DOCK10: variants seen among roughly 807,000 people sequenced by gnomAD.
DOCK10 encodes the protein dedicator of cytokinesis 10.
A neutral mutation model predicts 280.1 loss-of-function variants in DOCK10; 145 were observed. That is an observed-to-expected ratio of 0.52 (90% CI 0.45 to 0.59). The LOEUF (loss-of-function observed/expected upper bound fraction) is 0.59. Among genes scored for constraint, DOCK10 ranks in the 20% least tolerant of loss-of-function variants. DOCK10 has a pLI of 0.00. For synonymous variants in DOCK10, 915 were observed against 942.2 expected, an observed-to-expected ratio of 0.97 and a Z score of 0.53; for missense variants, 2,368 against 2,651.7, an observed-to-expected ratio of 0.89 and a Z score of 2.35.
chr2:224,796,782 C>T (rs1692609221), intron 43 of DOCK10, among the ~76,000 whole-genome samples, 182 bp downstream of exon 43: 1 of 152,146 alleles, frequency 6.6e-6, no homozygotes, highest in Non-Finnish European at 1.5e-5. Flanking sequence ...AGATAGGGCT[C>T]TGCTGATTTC....
Position 224,932,190 on chromosome 2 carries a change from T to C in DOCK10, c.124-522A>G, listed in dbSNP as rs1232219592. 5.9e-5 allele frequency among the ~76,000 whole-genome samples: 9 copies of C among 152,338 alleles called. No individual in the cohort carries two copies. In the South Asian group the frequency reaches 6.2e-4, roughly 11 times the overall value. On this transcript the variant is annotated intron_variant, in intron 1 of 55. Coordinates refer to ENST00000258390, the MANE Select transcript of DOCK10 (RefSeq NM_014689.3). ...GATTAATTGCTTGGCTCTGAGCCTCTTTGTCTCTACAGAGACAAGCTAGGT... is the reference window on the plus strand; with the variant it reads ...GATTAATTGCTTGGCTCTGAGCCTCCTTGTCTCTACAGAGACAAGCTAGGT...
intron 1 of DOCK10, among the ~76,000 whole-genome samples, chr2:224,943,612 A>G (rs1188040961): frequency 6.6e-6 from 1 of 152,188 alleles, no homozygotes; most frequent in Non-Finnish European, 1.5e-5. Flanking sequence ...AAAATTTAAA[A>G]GAAGTTATTG....
intron 3 of DOCK10, 123 bp from the exon 4 acceptor site, chr2:224,896,500 G>C: frequency 1.8e-6 from 1 of 555,918 alleles, no homozygotes; most frequent in Middle Eastern, 4.7e-4. Context: ...CCTGAGATCA[G>C]GAGTTCGAGG....
rs201619994 is a variant in DOCK10 at position 224,856,980 on chromosome 2, G to A, written c.1688C>T (p.Ser563Leu). 12 of 1,600,110 alleles carry A rather than the reference G, an allele frequency of 7.5e-6. No individual in the cohort carries two copies. In the Admixed American group the frequency reaches 1.2e-4, roughly 16 times the overall value. ...YRMPFAWAVRSVFKDNQGNVD... is the reference protein window; with the variant it reads ...YRMPFAWAVRLVFKDNQGNVD... ...ATTTCCCTGGTTGTCCTTAAATACTGATCTAAAAGAAAATATTTATTCAGG... is the reference window on the plus strand; with the variant it reads ...ATTTCCCTGGTTGTCCTTAAATACTAATCTAAAAGAAAATATTTATTCAGG... Residue 563 changes from serine (S) to leucine (L), a missense_variant and splice_region_variant, in exon 15 of 56, where the codon TCA becomes TTA. Around this residue, in one of 2 missense-constraint regions of DOCK10, gnomAD observed 1,209 missense variants for 1,250.9 expected, o/e 0.97. Transcript: ENST00000258390.
intron 48 of DOCK10, among the ~76,000 whole-genome samples, chr2:224,788,847 C>T (rs1162651106): frequency 1.3e-5 from 2 of 152,196 alleles, no homozygotes; most frequent in African/African-American, 4.8e-5. Context: ...TGATAATATA[C>T]ATTTGAGTCC....
At position 224,856,927 on chromosome 2, in the gene DOCK10, A is replaced by G. The variant is rs1559576509; in HGVS notation, c.1741T>C (p.Leu581=). 1.2e-6 allele frequency: 2 copies of G among 1,612,564 alleles called. No homozygotes were observed. Among genetic ancestry groups the G allele is most frequent in the South Asian group, 1.1e-5 (1 of 90,952 alleles). ...NVDRDSRFSP[L]FRQESSKIST... ...ATCTTGCTACTTTCTTGTCTAAACA[A>G]TGGTGAAAATCTTGAGTCTCTGTCC... The change falls in exon 15 of 56, where the codon TTG becomes CTG. Residue 581 remains leucine, a synonymous_variant. Coordinates refer to ENST00000258390, the MANE Select transcript of DOCK10 (RefSeq NM_014689.3).
intron 6 of DOCK10, 90 bp from the exon 7 acceptor site, chr2:224,885,895 G>A: frequency 2.6e-6 from 4 of 1,520,360 alleles, no homozygotes; most frequent in Admixed American, 2.0e-5. Flanking sequence ...CTTCAGGAGT[G>A]CTATATTTCT....
intron 2 of DOCK10, among the ~76,000 whole-genome samples, chr2:224,918,148 C>T (rs972353050): frequency 6.6e-6 from 1 of 152,194 alleles, no homozygotes; most frequent in Non-Finnish European, 1.5e-5. Context: ...ATCCTGGACT[C>T]TTATTTTCTC....
intron 1 of DOCK10, among the ~76,000 whole-genome samples, chr2:224,981,882 T>C (rs1237160649): frequency 6.6e-6 from 1 of 152,202 alleles, no homozygotes; most frequent in Non-Finnish European, 1.5e-5. Flanking sequence ...AGTTATAAAA[T>C]AAAATCCACT....
intron 1 of DOCK10, among the ~76,000 whole-genome samples, chr2:224,960,077 C>G (rs1437186527): frequency 6.6e-6 from 1 of 152,176 alleles, no homozygotes; most frequent in East Asian, 1.9e-4. Flanking sequence ...ATTGTTCCTT[C>G]TCTGAACTTG....
chr2:225,028,614 T>A (rs1689986663), intron 1 of DOCK10, among the ~76,000 whole-genome samples: 1 of 152,194 alleles, frequency 6.6e-6, no homozygotes, highest in African/African-American at 2.4e-5. Flanking sequence ...ATCCTTTGTA[T>A]CTCTGCAAAG....
intron 1 of DOCK10, among the ~76,000 whole-genome samples, chr2:224,966,609 C>A (rs568166988): frequency 5.3e-5 from 8 of 152,042 alleles, no homozygotes; most frequent in Admixed American, 5.2e-4. Flanking sequence ...TGTCAATATG[C>A]GAATCATAAA....
chr2:224,897,495 C>A (rs577890881), intron 3 of DOCK10, among the ~76,000 whole-genome samples: 138 of 151,962 alleles, frequency 9.1e-4, no homozygotes, highest in Non-Finnish European at 1.7e-3. Flanking sequence ...AAATAGTAGG[C>A]CTTATTCATT....
In DOCK10 at chr2:224,801,902, T is replaced by G; in HGVS notation, c.4393+14A>C. 6.2e-7 allele frequency: 1 copy of G among 1,612,032 alleles called. No individual in the cohort carries two copies. Among genetic ancestry groups the G allele is most frequent in the Non-Finnish European group, 8.5e-7 (1 of 1,178,642 alleles). On this transcript the variant is annotated intron_variant, in intron 40 of 55. Transcript: ENST00000258390. ...CTGGTAACCATCTTGTTCCTATTAT[T>G]TCAGTTTACTTACTGGTCATGGTAT...
intron 43 of DOCK10, 102 bp downstream of exon 43, chr2:224,796,862 A>G: frequency 9.7e-7 from 1 of 1,026,592 alleles, no homozygotes; most frequent in Non-Finnish European, 1.5e-6. Flanking sequence ...ACGCTAGTGG[A>G]GGAGTTAGTG....
At chr2:225,035,588 A>AT (rs1559987127) in intron 1 of DOCK10, among the ~76,000 whole-genome samples, 7 of 112,960 alleles carry the variant, frequency 6.2e-5, no homozygotes, top group Admixed American at 9.0e-5. Flanking sequence ...ATATATATAT[A>AT]ACACTGAATC....
At chr2:225,015,727 C>T (rs1183446896) in intron 1 of DOCK10, among the ~76,000 whole-genome samples, 2 of 152,148 alleles carry the variant, frequency 1.3e-5, no homozygotes, top group Admixed American at 6.5e-5. Context: ...CTTCTAGACG[C>T]GCTATTTCTT....
chr2:224,884,031 G>C (rs1303221831), intron 7 of DOCK10, among the ~76,000 whole-genome samples: 2 of 152,140 alleles, frequency 1.3e-5, no homozygotes, highest in East Asian at 3.9e-4. Flanking sequence ...ATGTTTCTAA[G>C]GCCAAAAGGT....
chr2:224,889,000 C>T (rs28737337), intron 4 of DOCK10, among the ~76,000 whole-genome samples: 19,146 of 151,654 alleles, frequency 0.13, 1,610 homozygotes, highest in African/African-American at 0.23. Flanking sequence ...ATAAGCCAGA[C>T]GTGGAGAAAA....
Sources: allele counts gnomAD v4.1 joint callset (sites outside exome capture counted in the v4.1 genomes callset), GRCh38; gene constraint gnomAD v4.1.1; regional missense constraint gnomAD v4.1.1; transcripts MANE v1.5; gene names NCBI Gene and HGNC (gene_info 2026-07-23, HGNC 2026-07-21).